Variants in TENM1 observed in about 807,000 individuals in gnomAD.
The protein encoded by TENM1 is teneurin-1.
In TENM1, 35 loss-of-function variants were observed where a neutral mutation model predicts 174.8. The ratio of observed to expected loss-of-function variants is 0.20; its 90% CI spans 0.15 to 0.27. TENM1 has a LOEUF of 0.27. TENM1 is among the 10% of genes least tolerant of loss of function. TENM1 has a pLI of 1.00. For synonymous variants in TENM1, 781 were observed against 798.7 expected (o/e 0.98, Z 0.37); for missense variants, 1,633 against 2,130.1 (o/e 0.77, Z 4.59).
chrX:124,932,785 A>T (rs2058191077), intron 1 of TENM1, among the ~76,000 whole-genome samples: 1 of 112,331 alleles, frequency 8.9e-6, no homozygotes, highest in Admixed American at 9.4e-5. Context: ...GTGTATTCTT[A>T]TTAATGTGGA....
intron 23 of TENM1, among the ~76,000 whole-genome samples, chrX:124,442,672 T>A (rs929568714): frequency 3.6e-5 from 4 of 110,580 alleles, no homozygotes; most frequent in East Asian, 2.8e-4. Flanking sequence ...TTAAAGAAAA[T>A]TTTTTTTTGA....
intron 11 of TENM1, among the ~76,000 whole-genome samples, chrX:124,595,612 CTG>C (rs2049872169): frequency 8.9e-6 from 1 of 111,876 alleles, no homozygotes; most frequent in Admixed American, 9.5e-5. Flanking sequence ...TAAGTTCAGA[CTG>C]TGGTTTACTT....
chrX:125,124,478 A>C, the TENM1 span, among the ~76,000 whole-genome samples: 1 of 111,937 alleles, frequency 8.9e-6, no homozygotes, highest in Non-Finnish European at 1.9e-5. Flanking sequence ...AAGATAGATA[A>C]AACAATAATT....
At chrX:124,530,867 ACAAGACTTTCAGCGCT>A (rs2048089985) in intron 15 of TENM1, among the ~76,000 whole-genome samples, 1 of 112,282 alleles carries the variant, frequency 8.9e-6, no homozygotes, top group Admixed American at 9.5e-5. Context: ...ACTAAAACAT[ACAAGACTTTCAGCGCT>A]AGCCTGGCTG....
chrX:124,598,895 TAA>T (rs1049417610), intron 11 of TENM1, among the ~76,000 whole-genome samples: 1 of 111,692 alleles, frequency 9.0e-6, no homozygotes, highest in Non-Finnish European at 1.9e-5. Flanking sequence ...TAAAAATAGC[TAA>T]AAGAGTATAA....
intron 11 of TENM1, among the ~76,000 whole-genome samples, chrX:124,633,738 T>C (rs1037407640): frequency 1.4e-4 from 16 of 111,104 alleles, no homozygotes; most frequent in African/African-American, 5.2e-4. Context: ...GGGTGACAAA[T>C]CATCTCTGAG....
chrX:124,429,234 C>G (rs1464757191), intron 23 of TENM1, among the ~76,000 whole-genome samples: 1 of 111,866 alleles, frequency 8.9e-6, no homozygotes, highest in Non-Finnish European at 1.9e-5. Flanking sequence ...AAAGGTTTCT[C>G]TCTTTGGCTG....
chrX:124,966,897 A>G (rs1603295427), upstream of TENM1, among the ~76,000 whole-genome samples: 2 of 111,659 alleles, frequency 1.8e-5, no homozygotes, highest in East Asian at 2.8e-4. Context: ...TGGTCAATAC[A>G]TGTTGAATGA....
chrX:124,527,168 C>T (rs1479028234), intron 16 of TENM1, among the ~76,000 whole-genome samples: 1 of 112,074 alleles, frequency 8.9e-6, no homozygotes, highest in Non-Finnish European at 1.9e-5. Flanking sequence ...AAGTGTCTAA[C>T]ATACAGTAGA....
At chrX:124,568,512 T>C (rs1435350961) in intron 11 of TENM1, among the ~76,000 whole-genome samples, 2 of 111,973 alleles carry the variant, frequency 1.8e-5, no homozygotes, top group African/African-American at 6.5e-5. Context: ...TGGAGTGTCC[T>C]GAATGAAATA....
intron 3 of TENM1, among the ~76,000 whole-genome samples, chrX:124,843,360 C>T (rs1012376088): frequency 9.0e-6 from 1 of 111,678 alleles, no homozygotes; most frequent in African/African-American, 3.3e-5. Flanking sequence ...TCATCTAGAG[C>T]CACTTGTTGT....
At chrX:124,649,826 C>A (rs939789492) in intron 8 of TENM1, among the ~76,000 whole-genome samples, 4 of 111,763 alleles carry the variant, frequency 3.6e-5, no homozygotes, top group African/African-American at 1.3e-4. Context: ...GCGTTTAGAG[C>A]AAATTCATAC....
intron 3 of TENM1, among the ~76,000 whole-genome samples, chrX:124,757,812 G>A (rs960177104): frequency 3.6e-5 from 4 of 112,238 alleles, no homozygotes; most frequent in South Asian, 3.6e-4. Context: ...CTTCTTACAC[G>A]TAAATTATTG....
chrX:124,440,370 CTT>C (rs2060889793), intron 23 of TENM1, among the ~76,000 whole-genome samples: 1 of 111,925 alleles, frequency 8.9e-6, no homozygotes, highest in South Asian at 3.8e-4. Flanking sequence ...TACATCATCT[CTT>C]TTATTTGTAA....
At chrX:125,185,301 A>G in the TENM1 span, among the ~76,000 whole-genome samples, 12 of 112,342 alleles carry the variant, frequency 1.1e-4, no homozygotes, top group African/African-American at 3.5e-4. Flanking sequence ...TTTTGCAAAC[A>G]TCTTCTCTGG....
the TENM1 span, among the ~76,000 whole-genome samples, chrX:125,151,631 A>C: frequency 8.9e-5 from 10 of 112,408 alleles, no homozygotes; most frequent in Middle Eastern, 4.6e-3. Flanking sequence ...ACATTGAAAA[A>C]TGATTGTATC....
chrX:124,563,933 T>G (rs1310612037), intron 12 of TENM1, among the ~76,000 whole-genome samples, 161 bp from the exon 16 acceptor site: 1 of 111,647 alleles, frequency 9.0e-6, no homozygotes, highest in East Asian at 2.8e-4. Context: ...GCCTGTGTAG[T>G]TTGTGAATAA....
chrX:124,736,843 G>A (rs1185451483), intron 4 of TENM1, 114 bp downstream of exon 7: 2 of 998,412 alleles, frequency 2.0e-6, no homozygotes, highest in African/African-American at 3.8e-5. Context: ...GTGTGTATCG[G>A]TTTGTGCATT....
intron 22 of TENM1, among the ~76,000 whole-genome samples, chrX:124,475,056 T>A (rs766048264): frequency 6.3e-5 from 7 of 111,547 alleles, no homozygotes; most frequent in Admixed American, 4.8e-4. Context: ...GCTAGGAATT[T>A]GGCCATGGGT....
Sources: gnomAD v4.1 joint callset for allele counts (sites outside exome capture counted in the v4.1 genomes callset) on GRCh38, gnomAD v4.1.1 for gene constraint, MANE v1.5 for transcripts, NCBI Gene and HGNC (gene_info 2026-07-23, HGNC 2026-07-21) for gene names.